Variants in NRG3 observed in about 807,000 individuals in gnomAD.
NRG3 encodes neuregulin 3.
NRG3 carries 31 observed loss-of-function variants against 66.9 expected under a neutral mutation model. The observed-to-expected ratio is 0.46, with a 90% CI of 0.35 to 0.63. The LOEUF (loss-of-function observed/expected upper bound fraction) is 0.63, where lower values mean the gene tolerates loss of function less well. Among genes scored for constraint, NRG3 ranks in the 20% least tolerant of loss-of-function variants. NRG3 has a pLI of 0.00. For missense variants in NRG3, 910 were observed against 878.9 expected, an observed-to-expected ratio of 1.04 and a Z score of -0.45; for synonymous variants, 393 against 359.4, an observed-to-expected ratio of 1.09 and a Z score of -1.06.
At chr10:82,362,569 T>TC (rs2084254327) in intron 2 of NRG3, among the ~76,000 whole-genome samples, 2 of 148,102 alleles carry the variant, frequency 1.4e-5, no homozygotes, top group Admixed American at 1.4e-4. Context: ...TTTTTTTTTT[T>TC]CGTAGAAATG....
At chr10:82,975,672 T>G (rs1268379782) in intron 7 of NRG3, among the ~76,000 whole-genome samples, 1 of 152,226 alleles carries the variant, frequency 6.6e-6, no homozygotes, top group Non-Finnish European at 1.5e-5. Flanking sequence ...TGCAATAGAC[T>G]TGAACGTTTT....
intron 4 of NRG3, among the ~76,000 whole-genome samples, chr10:82,946,238 TC>T (rs1181831234): frequency 6.9e-6 from 1 of 143,950 alleles, no homozygotes; most frequent in Non-Finnish European, 1.5e-5. Context: ...AGTGGAGTGG[TC>T]CTTTAAAAGA....
chr10:82,903,408 T>C (rs1844426978), intron 4 of NRG3, among the ~76,000 whole-genome samples: 1 of 152,150 alleles, frequency 6.6e-6, no homozygotes, highest in African/African-American at 2.4e-5. Flanking sequence ...CCTTAAACCT[T>C]GCATAACACC....
intron 1 of NRG3, among the ~76,000 whole-genome samples, chr10:82,321,304 G>C (rs1349602159): frequency 2.1e-5 from 3 of 144,166 alleles, no homozygotes; most frequent in African/African-American, 8.1e-5. Context: ...GCAGGGGTGG[G>C]GGTGGGGGTC....
chr10:81,976,623 A>G (rs1294239152), intron 1 of NRG3, among the ~76,000 whole-genome samples: 1 of 152,192 alleles, frequency 6.6e-6, no homozygotes, highest in Non-Finnish European at 1.5e-5. Flanking sequence ...CATTTTTACA[A>G]GGGATAATTT....
chr10:82,649,459 C>CTTT (rs71469930), intron 2 of NRG3, among the ~76,000 whole-genome samples: 11 of 48,800 alleles, frequency 2.3e-4, no homozygotes, highest in Admixed American at 3.6e-4. Context: ...CTGGTGCAGG[C>CTTT]TTTTTTTTTT....
At chr10:81,930,518 AAAAAAG>A (rs1847241498) in intron 1 of NRG3, among the ~76,000 whole-genome samples, 2 of 151,944 alleles carry the variant, frequency 1.3e-5, no homozygotes, top group African/African-American at 2.4e-5. Context: ...TGGAAAAAAA[AAAAAAG>A]AAAAAGGAAA....
chr10:82,166,493 T>C lies in NRG3; in HGVS notation c.824-192246T>C, dbSNP rs544695203. Among the ~76,000 whole-genome samples the C allele has an allele frequency of 2.0e-5, 3 of 152,154 alleles. No homozygotes were observed. In the South Asian group the frequency reaches 6.2e-4, roughly 32 times the overall value. ...TGTAGGAAAATTGCCTTACAATAAG[T>C]TTTTTCATTTTGCCTCTCCTGGTCT... On this transcript the variant is annotated intron_variant, in intron 1 of 8. Transcript: ENST00000372141.
intron 1 of NRG3, among the ~76,000 whole-genome samples, chr10:82,274,956 C>T (rs1006307389): frequency 3.3e-5 from 5 of 152,030 alleles, no homozygotes; most frequent in African/African-American, 1.2e-4. Context: ...CTAGACTCTG[C>T]TTCCTCTCTC....
intron 1 of NRG3, among the ~76,000 whole-genome samples, chr10:82,198,363 TGG>T (rs2074561476): frequency 1.3e-5 from 2 of 152,316 alleles, no homozygotes; most frequent in East Asian, 3.9e-4. Flanking sequence ...AAATAAAAGA[TGG>T]TTTAAAACAA....
intron 3 of NRG3, among the ~76,000 whole-genome samples, chr10:82,792,644 G>C (rs1178021214): frequency 2.0e-5 from 3 of 151,806 alleles, no homozygotes; most frequent in Non-Finnish European, 2.9e-5. Context: ...TTTTTAGGAT[G>C]ATTTAATTAT....
chr10:82,409,999 T>C (rs575193106), intron 2 of NRG3, among the ~76,000 whole-genome samples: 1 of 152,300 alleles, frequency 6.6e-6, no homozygotes, highest in East Asian at 1.9e-4. Flanking sequence ...AGAGGGTAGC[T>C]GAGCCTGCAT....
At chr10:82,881,745 T>C (rs1842322956) in intron 4 of NRG3, among the ~76,000 whole-genome samples, 3 of 152,322 alleles carry the variant, frequency 2.0e-5, no homozygotes, top group South Asian at 4.1e-4. Context: ...TCTATATCAA[T>C]GTCCACCGCT....
chr10:82,439,942 T>A (rs1026383314), intron 2 of NRG3, among the ~76,000 whole-genome samples: 4 of 152,050 alleles, frequency 2.6e-5, no homozygotes, highest in African/African-American at 9.7e-5. Context: ...TGTTGTTGCT[T>A]TGTTTTGTTT....
At chr10:81,910,302 C>T (rs1269263100) in intron 1 of NRG3, among the ~76,000 whole-genome samples, 1 of 152,120 alleles carries the variant, frequency 6.6e-6, no homozygotes, top group African/African-American at 2.4e-5. Flanking sequence ...CTACTCAGGG[C>T]AGGAAGATAT....
intron 1 of NRG3, among the ~76,000 whole-genome samples, chr10:82,172,737 A>G (rs139542098): frequency 6.8e-4 from 103 of 152,088 alleles, no homozygotes; most frequent in African/African-American, 1.9e-3. Context: ...CTAACTTCCT[A>G]TAAGATTGAA....
At chr10:82,361,793 G>A (rs1381160748) in intron 2 of NRG3, among the ~76,000 whole-genome samples, 1 of 151,986 alleles carries the variant, frequency 6.6e-6, no homozygotes, top group Non-Finnish European at 1.5e-5. Flanking sequence ...AGTTAAATAA[G>A]ATGCCATTTA....
chr10:82,295,646 T>G (rs1214667739), intron 1 of NRG3, among the ~76,000 whole-genome samples: 1 of 152,188 alleles, frequency 6.6e-6, no homozygotes, highest in Admixed American at 6.5e-5. Context: ...TGTGAAACCT[T>G]TCAGCCCTCT....
intron 1 of NRG3, among the ~76,000 whole-genome samples, chr10:82,341,457 G>A (rs980299922): frequency 2.0e-5 from 3 of 152,020 alleles, no homozygotes; most frequent in Admixed American, 2.0e-4. Flanking sequence ...AAATGAAAAT[G>A]ATATTTATAT....
Sources: gnomAD v4.1 joint callset for allele counts (sites outside exome capture counted in the v4.1 genomes callset) on GRCh38, gnomAD v4.1.1 for gene constraint, MANE v1.5 for transcripts, NCBI Gene and HGNC (gene_info 2026-07-23, HGNC 2026-07-21) for gene names.